Variants in ENTHD1 observed in about 807,000 individuals in gnomAD.
ENTHD1 encodes ENTH domain containing 1.
A neutral mutation model predicts 39.1 loss-of-function variants in ENTHD1; 23 were observed. That is an observed-to-expected ratio of 0.59 (90% CI 0.42 to 0.83). The LOEUF is 0.83. Ranked by LOEUF, ENTHD1 falls within the 40% of genes least tolerant of loss-of-function variation. The pLI, the probability that ENTHD1 is intolerant of heterozygous loss-of-function variation, is 0.00. For synonymous variants in ENTHD1, 230 were observed against 258.2 expected, an observed-to-expected ratio of 0.89 and a Z score of 1.05; for missense variants, 624 against 705.4, an observed-to-expected ratio of 0.88 and a Z score of 1.31.
In ENTHD1 at chr22:39,839,047, T is replaced by A. The variant is rs1341041768; in HGVS notation, c.593-3089A>T. On this transcript the variant is annotated intron_variant, in intron 3 of 6. Coordinates refer to ENST00000325157, the MANE Select transcript of ENTHD1 (RefSeq NM_152512.4). ...AACAGTTTGCTTGTTTTTTCTTTTCTTTTGTCCTTAATGTCAATATTTACA... is the reference window on the plus strand; with the variant it reads ...AACAGTTTGCTTGTTTTTTCTTTTCATTTGTCCTTAATGTCAATATTTACA... Among the ~76,000 whole-genome samples, 4 of 152,268 alleles carry A rather than the reference T, an allele frequency of 2.6e-5. No individual in the cohort carries two copies. In the East Asian group the frequency reaches 7.7e-4, roughly 29 times the overall value.
At chr22:39,802,518 C>A (rs574465422) in intron 5 of ENTHD1, among the ~76,000 whole-genome samples, 1 of 152,282 alleles carries the variant, frequency 6.6e-6, no homozygotes, top group East Asian at 1.9e-4. Flanking sequence ...TATTATCACA[C>A]AAGGTAGGTC....
Position 39,821,067 on chromosome 22 carries a change from G to A in ENTHD1, c.758C>T (p.Ala253Val). 1 of 1,614,042 alleles carries A rather than the reference G, an allele frequency of 6.2e-7. No individual in the cohort carries two copies. The highest frequency in any genetic ancestry group is 8.5e-7 in the Non-Finnish European group (1 of 1,179,968). ...TGGAGAGACAATGGAAGGAGGTGTT[G>A]CTAGTAAAGGCAGCTCTGGATCATC... ...LDDDPELPLLATPPSIVSPIT... is the reference protein window; with the variant it reads ...LDDDPELPLLVTPPSIVSPIT... Residue 253 changes from alanine (A) to valine (V), a missense_variant, in exon 5 of 7, where the codon GCA (alanine) becomes GTA (valine). Transcript: ENST00000325157.
At position 39,768,155 on chromosome 22, in the gene ENTHD1, C is replaced by A. The variant is rs17001454; in HGVS notation, c.833-2546G>T. 3.4e-3 allele frequency among the ~76,000 whole-genome samples: 519 copies of A among 152,258 alleles called. 9 individuals carry two copies. In the East Asian group the frequency reaches 0.069, roughly 20 times the overall value. On this transcript the variant is annotated intron_variant, in intron 5 of 6. Coordinates refer to ENST00000325157, the MANE Select transcript of ENTHD1 (RefSeq NM_152512.4). ...TTCTCTTCCATCAGCCTTCATCCACCCCTGCTGTCTATGCAATGCGTCAAA... is the reference window on the plus strand; with the variant it reads ...TTCTCTTCCATCAGCCTTCATCCACACCTGCTGTCTATGCAATGCGTCAAA...
intron 5 of ENTHD1, among the ~76,000 whole-genome samples, chr22:39,807,457 C>T (rs535957896): frequency 2.2e-4 from 33 of 152,226 alleles, no homozygotes; most frequent in Admixed American, 5.2e-4. Flanking sequence ...GCCCAAAGGC[C>T]GGGAAGCAAT....
intron 3 of ENTHD1, among the ~76,000 whole-genome samples, chr22:39,846,748 C>A (rs2065992377): frequency 6.6e-6 from 1 of 152,138 alleles, no homozygotes; most frequent in African/African-American, 2.4e-5. Context: ...TGAACAGACA[C>A]TTCTCAAAAG....
intron 6 of ENTHD1, among the ~76,000 whole-genome samples, chr22:39,748,415 T>C (rs2065123340): frequency 6.6e-6 from 1 of 151,252 alleles, no homozygotes; most frequent in Non-Finnish European, 1.5e-5. Flanking sequence ...AATATTAATA[T>C]CATTTTCTTT....
chr22:39,872,402 A>G (rs1332453631), intron 2 of ENTHD1, among the ~76,000 whole-genome samples: 1 of 152,060 alleles, frequency 6.6e-6, no homozygotes, highest in Non-Finnish European at 1.5e-5. Context: ...TTTTCCTTCT[A>G]TTCCTAGGGT....
chr22:39,871,001 C>T (rs902149116), intron 2 of ENTHD1, among the ~76,000 whole-genome samples: 46 of 151,816 alleles, frequency 3.0e-4, no homozygotes, highest in African/African-American at 1.1e-3. Flanking sequence ...ACAGAGATCC[C>T]TTCTCTACAT....
At chr22:39,871,883 ATGTT>A (rs2066247333) in intron 2 of ENTHD1, among the ~76,000 whole-genome samples, 1 of 152,236 alleles carries the variant, frequency 6.6e-6, no homozygotes, top group Non-Finnish European at 1.5e-5. Context: ...CCTGTAACAT[ATGTT>A]TGTTAAAGGA....
intron 5 of ENTHD1, among the ~76,000 whole-genome samples, chr22:39,811,852 G>A (rs567890414): frequency 2.6e-4 from 39 of 152,030 alleles, no homozygotes; most frequent in African/African-American, 9.4e-4. Flanking sequence ...GGTGGTGGGC[G>A]CCTGTAGTCC....
intron 3 of ENTHD1, among the ~76,000 whole-genome samples, chr22:39,836,243 G>T (rs1464942134): frequency 6.6e-6 from 1 of 152,064 alleles, no homozygotes; most frequent in African/African-American, 2.4e-5. Context: ...ATGCACTTAT[G>T]TGGTTTTGAT....
chr22:39,870,564 A>G (rs2066233913), intron 2 of ENTHD1, among the ~76,000 whole-genome samples: 1 of 152,372 alleles, frequency 6.6e-6, no homozygotes. Context: ...AAATAAATCT[A>G]TACCAGAAAC....
At position 39,743,573 on chromosome 22, in the gene ENTHD1, A is replaced by C; in HGVS notation, c.*106T>G. 7.6e-7 allele frequency: 1 copy of C among 1,315,214 alleles called. No homozygotes were observed. The highest frequency in any genetic ancestry group is 2.5e-5 in the East Asian group (1 of 39,744). The allele number at this position is 1,315,214 out of a possible 1,614,324, so 81.5% of individuals were successfully genotyped here. A position where few individuals can be genotyped will look rare whatever the true frequency, so the allele number is the denominator to read the frequency against. On this transcript the variant is annotated 3_prime_UTR_variant, in exon 7 of 7. Transcript: ENST00000325157. ...CTAATAAACCTGACAAGGAAAAATT[A>C]AACCATCCCCTTTTTTGCCATAATA... is the stretch of plus-strand genomic sequence containing the variant.
chr22:39,862,366 G>T (rs1362968369), intron 2 of ENTHD1, among the ~76,000 whole-genome samples: 1 of 151,916 alleles, frequency 6.6e-6, no homozygotes, highest in East Asian at 1.9e-4. Flanking sequence ...TGGCCAATAT[G>T]GTGAAACCTT....
intron 3 of ENTHD1, among the ~76,000 whole-genome samples, chr22:39,849,249 C>T (rs775985941): frequency 4.4e-4 from 67 of 152,196 alleles, no homozygotes; most frequent in East Asian, 9.6e-4. Flanking sequence ...TTTTGGATTT[C>T]GATTGTAACT....
intron 5 of ENTHD1, among the ~76,000 whole-genome samples, chr22:39,775,972 A>ACTGCAGCCTGGC (rs1228758668): frequency 3.3e-5 from 5 of 152,010 alleles, no homozygotes; most frequent in African/African-American, 1.2e-4. Flanking sequence ...ATCATGGCTT[A>ACTGCAGCCTGGC]CTGCAGCCTG....
intron 6 of ENTHD1, among the ~76,000 whole-genome samples, chr22:39,757,522 C>A (rs1202100615): frequency 6.6e-6 from 1 of 151,902 alleles, no homozygotes; most frequent in African/African-American, 2.4e-5. Flanking sequence ...ACTAAAAATG[C>A]AAAAATTAGC....
At chr22:39,841,727 T>C (rs376911809) in intron 3 of ENTHD1, among the ~76,000 whole-genome samples, 9 of 150,794 alleles carry the variant, frequency 6.0e-5, no homozygotes, top group Non-Finnish European at 1.0e-4. Flanking sequence ...GAGCATTTAG[T>C]CCATTTACAT....
intron 2 of ENTHD1, among the ~76,000 whole-genome samples, chr22:39,880,413 T>C (rs185123002): frequency 6.0e-4 from 91 of 152,358 alleles, no homozygotes; most frequent in Non-Finnish European, 1.1e-3. Flanking sequence ...CATGTCATTG[T>C]ACATTTGTCC....
Sources: gnomAD v4.1 joint callset for allele counts (sites outside exome capture counted in the v4.1 genomes callset) on GRCh38, gnomAD v4.1.1 for gene constraint, MANE v1.5 for transcripts, NCBI Gene and HGNC (gene_info 2026-07-23, HGNC 2026-07-21) for gene names.